Variants in FOXN3 observed in about 807,000 individuals in gnomAD.
FOXN3 encodes the protein forkhead box N3.
A neutral mutation model predicts 38.4 loss-of-function variants in FOXN3; 7 were observed. That is an observed-to-expected ratio of 0.18 (90% CI 0.10 to 0.34). FOXN3 has a LOEUF of 0.34. Ranked by LOEUF, FOXN3 falls within the 10% of genes least tolerant of loss-of-function variation. The probability of loss-of-function intolerance (pLI) is 1.00; values close to 1 mark genes in which losing one functional copy is unlikely to be tolerated. For synonymous variants in FOXN3, 230 were observed against 242.2 expected (o/e 0.95, Z 0.47); for missense variants, 456 against 613.4 (o/e 0.74, Z 2.71).
intron 2 of FOXN3, among the ~76,000 whole-genome samples, chr14:89,374,263 C>CAAAAAAAAAAAAAA (rs35623770): frequency 2.1e-5 from 1 of 48,180 alleles, no homozygotes; most frequent in African/African-American, 8.0e-5. Flanking sequence ...GACCTTGTCT[C>CAAAAAAAAAAAAAA]AAAAAAAAAA....
chr14:89,237,947 A>G (rs1300643729), intron 4 of FOXN3, among the ~76,000 whole-genome samples: 1 of 152,224 alleles, frequency 6.6e-6, no homozygotes, highest in African/African-American at 2.4e-5. Context: ...ACTCTAGCAC[A>G]TTATGGGCAC....
At chr14:89,456,360 G>A (rs1380852075) in intron 1 of FOXN3, among the ~76,000 whole-genome samples, 2 of 152,176 alleles carry the variant, frequency 1.3e-5, no homozygotes, top group African/African-American at 4.8e-5. Flanking sequence ...CTCCAGAAAA[G>A]GGAGACCTTG....
intron 1 of FOXN3, among the ~76,000 whole-genome samples, chr14:89,505,834 G>A (rs1184275484): frequency 3.3e-5 from 5 of 150,922 alleles, no homozygotes; most frequent in South Asian, 2.1e-4. Context: ...AGTGAGGAGC[G>A]TCTCTGCCCG....
At chr14:89,462,176 C>T (rs1296563237) in intron 1 of FOXN3, among the ~76,000 whole-genome samples, 1 of 152,216 alleles carries the variant, frequency 6.6e-6, no homozygotes, top group Admixed American at 6.5e-5. Flanking sequence ...GAAGGGCAAC[C>T]TTGATGGGCT....
chr14:89,465,721 G>A (rs555238990), intron 1 of FOXN3, among the ~76,000 whole-genome samples: 15 of 152,292 alleles, frequency 9.8e-5, no homozygotes, highest in African/African-American at 3.4e-4. Flanking sequence ...TTCAGGTACT[G>A]AGAGGCTATG....
chr14:89,335,800 A>T (rs927290864), intron 3 of FOXN3, among the ~76,000 whole-genome samples: 2 of 152,094 alleles, frequency 1.3e-5, no homozygotes, highest in African/African-American at 4.8e-5. Flanking sequence ...AACAACAATA[A>T]TTTTTTTTAA....
intron 2 of FOXN3, among the ~76,000 whole-genome samples, chr14:89,403,280 T>C (rs1891300198): frequency 1.3e-5 from 2 of 152,150 alleles, no homozygotes; most frequent in African/African-American, 4.8e-5. Flanking sequence ...TGGCTCACCG[T>C]AGCCTCCACC....
chr14:89,532,410 T>C (rs1302665842), intron 1 of FOXN3, among the ~76,000 whole-genome samples: 1 of 152,196 alleles, frequency 6.6e-6, no homozygotes, highest in African/African-American at 2.4e-5. Context: ...ACAATATATA[T>C]ACCACCAGCA....
At chr14:89,309,021 T>C (rs187023893) in intron 3 of FOXN3, among the ~76,000 whole-genome samples, 17 of 152,336 alleles carry the variant, frequency 1.1e-4, no homozygotes, top group Admixed American at 9.8e-4. Context: ...CTGGGGCCTG[T>C]GTATGGGATT....
At chr14:89,403,767 T>G (rs1408483076) in intron 2 of FOXN3, among the ~76,000 whole-genome samples, 1 of 152,222 alleles carries the variant, frequency 6.6e-6, no homozygotes, top group South Asian at 2.1e-4. Context: ...GATACATTGA[T>G]AGGGCCCTCG....
At chr14:89,297,195 G>A (rs550040643) in intron 3 of FOXN3, among the ~76,000 whole-genome samples, 12 of 152,298 alleles carry the variant, frequency 7.9e-5, no homozygotes, top group South Asian at 2.1e-4. Context: ...CTAATGCCAC[G>A]GAGGCGGCGC....
At chr14:89,368,809 C>A (rs913539247) in intron 2 of FOXN3, among the ~76,000 whole-genome samples, 3 of 152,148 alleles carry the variant, frequency 2.0e-5, no homozygotes, top group Non-Finnish European at 4.4e-5. Flanking sequence ...ACCTGGGGCA[C>A]AGAACAGTCC....
chr14:89,416,742 C>T (rs1219396877), intron 1 of FOXN3, 129 bp downstream of exon 1: 1 of 152,198 alleles, frequency 6.6e-6, no homozygotes, highest in African/African-American at 2.4e-5. Context: ...ACCCTCCCCC[C>T]AGGACCTGCG....
intron 1 of FOXN3, among the ~76,000 whole-genome samples, chr14:89,449,347 T>G (rs1892570575): frequency 6.6e-6 from 1 of 152,224 alleles, no homozygotes; most frequent in African/African-American, 2.4e-5. Flanking sequence ...TCCCTTTGCC[T>G]TATATCCTCT....
intron 3 of FOXN3, among the ~76,000 whole-genome samples, chr14:89,289,948 G>A (rs1440021128): frequency 6.6e-6 from 1 of 152,212 alleles, no homozygotes; most frequent in Non-Finnish European, 1.5e-5. Context: ...GAGGGGAACA[G>A]ACTTCTTTTT....
intron 1 of FOXN3, among the ~76,000 whole-genome samples, chr14:89,561,138 G>A (rs537426708): frequency 2.0e-4 from 31 of 152,346 alleles, no homozygotes; most frequent in African/African-American, 5.8e-4. Context: ...CCAACGGGTG[G>A]CCTCCGTGAT....
chr14:89,580,319 A>T (rs528909772), intron 1 of FOXN3, among the ~76,000 whole-genome samples: 9 of 152,278 alleles, frequency 5.9e-5, no homozygotes, highest in African/African-American at 1.9e-4. Flanking sequence ...TGTTCTGTAA[A>T]CTCTCAGAGG....
chr14:89,360,406 G>A (rs1356487786), intron 2 of FOXN3, among the ~76,000 whole-genome samples: 5 of 150,426 alleles, frequency 3.3e-5, no homozygotes, highest in African/African-American at 1.2e-4. Context: ...CAGGAAGACA[G>A]GGAGAGAGGT....
chr14:89,609,502 A>G (rs914554310), intron 1 of FOXN3, among the ~76,000 whole-genome samples: 24 of 152,216 alleles, frequency 1.6e-4, no homozygotes, highest in African/African-American at 5.8e-4. Context: ...AGTTGCAACC[A>G]CGTGCCAGGC....
Sources: gnomAD v4.1 joint callset for allele counts (sites outside exome capture counted in the v4.1 genomes callset) on GRCh38, gnomAD v4.1.1 for gene constraint, MANE v1.5 for transcripts, NCBI Gene and HGNC (gene_info 2026-07-23, HGNC 2026-07-21) for gene names.